MMP26: variants seen among roughly 807,000 people sequenced by gnomAD.
MMP26 encodes the protein matrix metalloproteinase-26.
Under a neutral mutation model 31.0 loss-of-function variants are expected in MMP26, and 33 were observed. The observed-to-expected ratio is 1.06, with a 90% confidence interval of 0.81 to 1.42. The LOEUF (loss-of-function observed/expected upper bound fraction) is 1.42. Among genes scored for constraint, MMP26 ranks in the 40% most tolerant of loss-of-function variants. The pLI is 0.00. For synonymous variants in MMP26, 122 were observed against 114.9 expected (o/e 1.06, Z -0.40); for missense variants, 347 against 316.1 (o/e 1.10, Z -0.74).
At chr11:4,845,618 T>C (rs556827710) in intron 2 of MMP26, among the ~76,000 whole-genome samples, 1 of 152,210 alleles carries the variant, frequency 6.6e-6, no homozygotes, top group South Asian at 2.1e-4. Context: ...TTAAAAAGCT[T>C]CTGCATAGCA....
Position 4,991,371 on chromosome 11 carries a change from C to T in MMP26, c.470C>T (p.Ala157Val), listed in dbSNP as rs775293392. 1.9e-6 allele frequency: 3 copies of T among 1,612,354 alleles called. No homozygotes were observed. The East Asian group carries it at 6.7e-5, about 36-fold the overall frequency. The change falls in exon 6 of 8, where the codon GCC becomes GTC. Residue 157 changes from alanine to valine, a missense_variant and splice_region_variant. Coordinates refer to ENST00000380390, the MANE Select transcript of MMP26 (RefSeq NM_021801.5). ...TGATCATAGCTTCTGTCGTCCACAGCCCATGAAGATGGTTGGCCCTTTGAT... is the reference window on the plus strand; with the variant it reads ...TGATCATAGCTTCTGTCGTCCACAGTCCATGAAGATGGTTGGCCCTTTGAT... ...ADIKVSFWQWAHEDGWPFDGP... is the reference protein window; with the variant it reads ...ADIKVSFWQWVHEDGWPFDGP...
chr11:4,771,520 C>T (rs1294788439), intron 2 of MMP26, among the ~76,000 whole-genome samples: 2 of 152,076 alleles, frequency 1.3e-5, no homozygotes, highest in Admixed American at 6.5e-5. Flanking sequence ...AATGCTATAT[C>T]GCCTCTTTCA....
At chr11:4,903,813 G>T (rs1482708358) in intron 2 of MMP26, 1 of 152,092 alleles carries the variant, frequency 6.6e-6, no homozygotes, top group Non-Finnish European at 1.5e-5. Flanking sequence ...AGGTTAAGGA[G>T]CTATAAATCC....
At chr11:4,825,351 C>A (rs146566379) in intron 2 of MMP26, among the ~76,000 whole-genome samples, 8 of 152,210 alleles carry the variant, frequency 5.3e-5, no homozygotes, top group African/African-American at 1.9e-4. Context: ...ATCTGTCAAA[C>A]CTGAGCAGCC....
At chr11:4,779,267 C>A (rs1020314576) in intron 2 of MMP26, among the ~76,000 whole-genome samples, 2 of 151,938 alleles carry the variant, frequency 1.3e-5, no homozygotes, top group Non-Finnish European at 2.9e-5. Context: ...TACTAAGTTA[C>A]CATGAATATC....
chr11:4,815,469 A>T (rs560736071), intron 2 of MMP26, among the ~76,000 whole-genome samples: 38 of 152,242 alleles, frequency 2.5e-4, no homozygotes, highest in African/African-American at 8.9e-4. Flanking sequence ...AGGCAGGTTT[A>T]CCTGACACAG....
chr11:4,743,792 A>G (rs73390882), intron 1 of MMP26, among the ~76,000 whole-genome samples: 6,842 of 152,134 alleles, frequency 0.045, 494 homozygotes, highest in African/African-American at 0.16. Context: ...GTCAAATTCA[A>G]TTTTTGGACT....
chr11:4,821,246 G>T, intron 2 of MMP26: 2 of 701,124 alleles, frequency 2.9e-6, no homozygotes, highest in Non-Finnish European at 4.8e-6. Context: ...AACACTGACA[G>T]ACTTGGAGAG....
chr11:4,834,264 G>A (rs1290058203), intron 2 of MMP26, among the ~76,000 whole-genome samples: 1 of 152,060 alleles, frequency 6.6e-6, no homozygotes, highest in Non-Finnish European at 1.5e-5. Flanking sequence ...CCATATTACT[G>A]TTCATGAGTA....
chr11:4,986,228 A>G (rs913233331), intron 2 of MMP26, among the ~76,000 whole-genome samples: 4 of 152,178 alleles, frequency 2.6e-5, no homozygotes, highest in African/African-American at 7.2e-5. Flanking sequence ...AAATTTTTAT[A>G]CTATATTTTA....
chr11:4,907,626 T>C, intron 2 of MMP26: 1 of 1,614,088 alleles, frequency 6.2e-7, no homozygotes, highest in East Asian at 2.2e-5. Context: ...AGGGTCTTCT[T>C]GTTCAATGCC....
intron 1 of MMP26, among the ~76,000 whole-genome samples, chr11:4,732,221 T>A (rs774531337): frequency 5.9e-5 from 9 of 152,202 alleles, no homozygotes; most frequent in Non-Finnish European, 1.3e-4. Flanking sequence ...TGTCTGTCAA[T>A]GTTATTTCAT....
At chr11:4,774,622 CTTTAG>C (rs757774479) in intron 2 of MMP26, among the ~76,000 whole-genome samples, 1 of 152,102 alleles carries the variant, frequency 6.6e-6, no homozygotes, top group Non-Finnish European at 1.5e-5. Flanking sequence ...TGCAGAAGCT[CTTTAG>C]TTTAATTAGA....
intron 1 of MMP26, among the ~76,000 whole-genome samples, chr11:4,717,111 T>C (rs1847944786): frequency 6.6e-6 from 1 of 152,246 alleles, no homozygotes; most frequent in African/African-American, 2.4e-5. Flanking sequence ...CGACAATTCT[T>C]TACTTACTCA....
intron 2 of MMP26, among the ~76,000 whole-genome samples, chr11:4,938,507 A>T (rs1846160790): frequency 6.6e-6 from 1 of 152,132 alleles, no homozygotes; most frequent in African/African-American, 2.4e-5. Context: ...GCAAATGGGA[A>T]GAATATGAGT....
chr11:4,977,280 C>G (rs140790233), intron 2 of MMP26, among the ~76,000 whole-genome samples: 456 of 152,136 alleles, frequency 3.0e-3, no homozygotes, highest in African/African-American at 8.6e-3. Flanking sequence ...GGAAATGGAA[C>G]TAGTGGAAAG....
In MMP26 at chr11:4,821,824, A is replaced by G. The variant is rs1372722890; in HGVS notation, c.-145+54483A>G. On this transcript the variant is annotated intron_variant, in intron 2 of 7. Coordinates refer to ENST00000380390, the MANE Select transcript of MMP26 (RefSeq NM_021801.5). ...GGCCATCTGTTACCCACTGAGATAC[A>G]CTACCATCCTTACCAATGCCCGAAT... 25 of 1,613,006 alleles carry G rather than the reference A, an allele frequency of 1.5e-5. No homozygotes were observed. Among genetic ancestry groups the G allele is most frequent in the Non-Finnish European group, 1.9e-5 (23 of 1,179,522 alleles).
chr11:4,986,905 T>G (rs1305368965), intron 2 of MMP26, among the ~76,000 whole-genome samples: 1 of 48,674 alleles, frequency 2.1e-5, no homozygotes, highest in African/African-American at 8.5e-5. Flanking sequence ...CTTCCTTCCT[T>G]TCTCTCTCTC....
chr11:4,813,793 TA>T (rs1461191296), intron 2 of MMP26, among the ~76,000 whole-genome samples: 3 of 151,812 alleles, frequency 2.0e-5, no homozygotes, highest in African/African-American at 7.3e-5. Context: ...AGCCACAATA[TA>T]AAAGAAGATC....
Sources: allele counts gnomAD v4.1 joint callset (sites outside exome capture counted in the v4.1 genomes callset), GRCh38; gene constraint gnomAD v4.1.1; transcripts MANE v1.5; gene names NCBI Gene and HGNC (gene_info 2026-07-23, HGNC 2026-07-21).